TRIO: variants seen among roughly 807,000 people sequenced by gnomAD.
TRIO encodes the protein triple functional domain protein.
A neutral mutation model predicts 351.9 loss-of-function variants in TRIO; 58 were observed. That is an observed-to-expected ratio of 0.16 (90% CI 0.13 to 0.21). TRIO has a LOEUF of 0.21. TRIO is among the 10% of genes least tolerant of loss of function. The pLI, the probability that TRIO is intolerant of heterozygous loss-of-function variation, is 1.00. For missense variants in TRIO, 3,201 were observed against 4,027.8 expected (o/e 0.79, Z 5.56); for synonymous variants, 1,758 against 1,595.7 (o/e 1.10, Z -2.42).
chr5:14,427,165 C>G (rs1430357541), intron 34 of TRIO, among the ~76,000 whole-genome samples: 1 of 152,094 alleles, frequency 6.6e-6, no homozygotes, highest in Non-Finnish European at 1.5e-5. Context: ...CCCCTGTTGT[C>G]CTCCCTCCAG....
intron 1 of TRIO, among the ~76,000 whole-genome samples, chr5:14,179,839 C>A (rs573574636): frequency 6.6e-6 from 1 of 152,094 alleles, no homozygotes; most frequent in East Asian, 1.9e-4. Flanking sequence ...GGTGTGTAAT[C>A]CCGGCACTCT....
chr5:14,302,857 T>C (rs539205170), intron 7 of TRIO, among the ~76,000 whole-genome samples: 1 of 152,386 alleles, frequency 6.6e-6, no homozygotes, highest in East Asian at 1.9e-4. Context: ...TTGATGTCTG[T>C]TTGGCTTAAT....
rs200911885 is a variant in TRIO, at chr5:14,157,371, TTCTC to T, written c.157+13497_157+13500del. Among the ~76,000 whole-genome samples the T allele has an allele frequency of 3.5e-3, 526 of 151,598 alleles. 8 individuals are homozygous for T. The highest frequency in any genetic ancestry group is 0.027 in the Admixed American group (404 of 15,178). On this transcript the variant is annotated intron_variant, in intron 1 of 56. Transcript: ENST00000344204. ...TCATTTGCTGTTCTGTATTTTTCTT[TTCTC>T]TCTCTCTTTCTCTCTCTCTCCCCCT...
chr5:14,165,859 G>A (rs917758903), intron 1 of TRIO, among the ~76,000 whole-genome samples: 1 of 152,216 alleles, frequency 6.6e-6, no homozygotes, highest in Non-Finnish European at 1.5e-5. Context: ...AGGTAGGAAC[G>A]CCAACCATCC....
chr5:14,297,062 C>T lies in TRIO; in HGVS notation c.1177-10C>T. 1 of 1,603,256 alleles carries T rather than the reference C, an allele frequency of 6.2e-7. No homozygotes were observed. Among genetic ancestry groups the T allele is most frequent in the Non-Finnish European group, 8.5e-7 (1 of 1,171,338 alleles). Reference sequence around the variant, plus strand: ...CCCTAAGGAGCCCTCTTTTCCTGCCCACTTTCCAGAACGTGTATGTAAATA... The same window carrying T: ...CCCTAAGGAGCCCTCTTTTCCTGCCTACTTTCCAGAACGTGTATGTAAATA... On this transcript the variant is annotated splice_polypyrimidine_tract_variant and intron_variant, in intron 6 of 56. Coordinates refer to ENST00000344204, the MANE Select transcript of TRIO (RefSeq NM_007118.4).
At chr5:14,336,761 C>A in intron 11 of TRIO, 34 bp downstream of exon 11, 1 of 1,608,546 alleles carries the variant, frequency 6.2e-7, no homozygotes, top group Non-Finnish European at 8.5e-7. Flanking sequence ...ATGATCTGTG[C>A]TTGAAAGGGT....
At chr5:14,233,998 G>A (rs545812023) in intron 1 of TRIO, among the ~76,000 whole-genome samples, 1 of 152,214 alleles carries the variant, frequency 6.6e-6, no homozygotes, top group South Asian at 2.1e-4. Flanking sequence ...GGGTGTCACT[G>A]TTTCCCAGGC....
chr5:14,479,340 C>T lies in TRIO; in HGVS notation c.6233C>T (p.Thr2078Ile). ...CACATTGTCTCAGAATACATTGATA[C>T]CTTTTTTGAGGTAAGACCTAAGATA... Reference protein sequence around the residue: ...SEHIVSEYIDTFFEDLKQRLG... With the variant: ...SEHIVSEYIDIFFEDLKQRLG... The change falls in exon 42 of 57, where the codon ACC becomes ATC. Residue 2078 changes from threonine to isoleucine, a missense_variant. This residue lies in a region of TRIO where 307 missense variants were observed against 396.5 expected (regional missense o/e 0.77). Coordinates refer to ENST00000344204, the MANE Select transcript of TRIO (RefSeq NM_007118.4). The T allele has an allele frequency of 6.2e-7, 1 of 1,612,126 alleles. No individual in the cohort carries two copies. The highest frequency in any genetic ancestry group is 8.5e-7 in the Non-Finnish European group (1 of 1,178,910).
intron 33 of TRIO, among the ~76,000 whole-genome samples, chr5:14,414,743 C>G (rs1299878299): frequency 6.6e-6 from 1 of 152,066 alleles, no homozygotes; most frequent in Non-Finnish European, 1.5e-5. Flanking sequence ...CTTTTAAACT[C>G]TAAGTGGCAG....
intron 1 of TRIO, among the ~76,000 whole-genome samples, chr5:14,260,806 A>G (rs773265769): frequency 5.3e-5 from 8 of 152,210 alleles, no homozygotes; most frequent in Non-Finnish European, 1.0e-4. Flanking sequence ...GTAACTCTGA[A>G]TACTGTATTT....
rs1757825496 is a variant in TRIO at position 14,507,969 on chromosome 5, C to T, written c.8841C>T (p.Tyr2947=). 6.2e-7 allele frequency: 1 copy of T among 1,614,130 alleles called. No homozygotes were observed. The highest frequency in any genetic ancestry group is 8.5e-7 in the Non-Finnish European group (1 of 1,180,056). Residue 2947 remains tyrosine, a synonymous_variant, in exon 57 of 57, where the codon TAC becomes TAT. Transcript: ENST00000344204. ...FGDAVQLNTT[Y]YIHQLLGNPE... ...ATGCTGTTCAGCTCAACACGACCTA[C>T]TACATCCACCAGTTACTGGGGAACC...
At chr5:14,350,591 G>A (rs1217103016) in intron 11 of TRIO, among the ~76,000 whole-genome samples, 2 of 152,218 alleles carry the variant, frequency 1.3e-5, no homozygotes, top group East Asian at 1.9e-4. Context: ...CCTCTGCAGG[G>A]CATCTACCCT....
chr5:14,497,128 ACCCACCAGCCCCGTG>A lies in TRIO; in HGVS notation c.8019+115_8019+129del. The A allele has an allele frequency of 6.8e-7, 1 of 1,465,826 alleles. No individual in the cohort carries two copies. Among genetic ancestry groups the A allele is most frequent in the South Asian group, 1.4e-5 (1 of 72,540 alleles). 90.8% of individuals were successfully genotyped at this position (1,465,826 alleles called of 1,614,324 possible). ...TGGGCTTGCTTATGACCTCCCTCCC[ACCCACCAGCCCCGTG>A]CCCTGCGTGTCCTGTAGGGTCTTGT... On this transcript the variant is annotated intron_variant, in intron 50 of 56. Transcript: ENST00000344204. The surrounding 1 kb of genome is among the most constrained non-coding windows in gnomAD (Gnocchi z 4.4).
chr5:14,426,783 T>G (rs1010703615), intron 34 of TRIO, among the ~76,000 whole-genome samples: 1 of 152,160 alleles, frequency 6.6e-6, no homozygotes, highest in African/African-American at 2.4e-5. Context: ...ATGGCAGAAC[T>G]GCTCAGTGGG....
At position 14,487,719 on chromosome 5, in the gene TRIO, A is replaced by T. The variant is rs772460643; in HGVS notation, c.7091A>T (p.Asp2364Val). 4.2e-6 allele frequency: 6 copies of T among 1,438,210 alleles called. No individual in the cohort carries two copies. In the Admixed American group the frequency reaches 1.4e-4, roughly 34 times the overall value. The allele number at this position is 1,438,210 out of a possible 1,614,324, so 89.1% of individuals were successfully genotyped here. ...GCAGCCTCGAGCCAGGCAGAGGCAG[A>T]CAAGATGTCAGGTACGTCCACCCCC... The part of the protein sequence containing the change: ...SSAASSQAEA[D>V]KMSGTSTPGP... The change falls in exon 48 of 57, where the codon GAC becomes GTC. Residue 2364 changes from aspartate (D) to valine (V), a missense_variant. By Grantham distance (152) the Asp-to-Val change is radical. Around this residue, in one of 19 missense-constraint regions of TRIO, gnomAD observed 1,089 missense variants for 954.9 expected, o/e 1.14. Transcript: ENST00000344204.
At chr5:14,430,395 T>C (rs1750997881) in intron 34 of TRIO, among the ~76,000 whole-genome samples, 1 of 152,156 alleles carries the variant, frequency 6.6e-6, no homozygotes, top group Non-Finnish European at 1.5e-5. Context: ...CATCAACATT[T>C]TTGCGCTTTT....
At chr5:14,273,135 A>G (rs970848394) in intron 2 of TRIO, among the ~76,000 whole-genome samples, 2 of 152,044 alleles carry the variant, frequency 1.3e-5, no homozygotes, top group African/African-American at 4.8e-5. Context: ...TTCTGCTCTG[A>G]CCCCATTTTA....
chr5:14,308,216 G>A (rs1738545504), intron 8 of TRIO, among the ~76,000 whole-genome samples: 1 of 152,048 alleles, frequency 6.6e-6, no homozygotes, highest in Non-Finnish European at 1.5e-5. Context: ...ACATATGAAT[G>A]CCATCCATTC....
At chr5:14,394,765 A>G (rs917469224) in intron 28 of TRIO, among the ~76,000 whole-genome samples, 1 of 152,236 alleles carries the variant, frequency 6.6e-6, no homozygotes, top group Non-Finnish European at 1.5e-5. Flanking sequence ...ATCACATTTA[A>G]GAAAACAATA....
Sources: allele counts gnomAD v4.1 joint callset (sites outside exome capture counted in the v4.1 genomes callset), GRCh38; gene constraint gnomAD v4.1.1; regional missense constraint gnomAD v4.1.1; non-coding constraint Gnocchi (gnomAD v3.1); transcripts MANE v1.5; gene names NCBI Gene and HGNC (gene_info 2026-07-23, HGNC 2026-07-21).